ASIC2: variants seen among roughly 807,000 people sequenced by gnomAD.
ASIC2 encodes the protein acid-sensing ion channel 2.
ASIC2 carries 25 observed loss-of-function variants against 57.3 expected under a neutral mutation model. The observed-to-expected ratio is 0.44, with a 90% confidence interval of 0.32 to 0.61. The LOEUF is 0.61. ASIC2 is among the 20% of genes least tolerant of loss of function. ASIC2 has a pLI of 0.06. For missense variants in ASIC2, 641 were observed against 738.1 expected (o/e 0.87, Z 1.52); for synonymous variants, 319 against 307.5 (o/e 1.04, Z -0.39).
At chr17:33,064,532 C>A (rs924744619) in intron 3 of ASIC2, among the ~76,000 whole-genome samples, 1 of 152,192 alleles carries the variant, frequency 6.6e-6, no homozygotes, top group Non-Finnish European at 1.5e-5. Flanking sequence ...GCAAATGTTG[C>A]TGTCTGATCA....
At chr17:33,577,684 G>C (rs1916673611) in intron 1 of ASIC2, among the ~76,000 whole-genome samples, 1 of 152,108 alleles carries the variant, frequency 6.6e-6, no homozygotes, top group Non-Finnish European at 1.5e-5. Flanking sequence ...ATTTTTACCA[G>C]TCCCCTCATT....
chr17:33,203,974 G>A (rs558026639), intron 1 of ASIC2, among the ~76,000 whole-genome samples: 2 of 152,350 alleles, frequency 1.3e-5, no homozygotes, highest in African/African-American at 4.8e-5. Context: ...ATTTTGGGAG[G>A]TATTAAACAT....
intron 1 of ASIC2, among the ~76,000 whole-genome samples, chr17:33,471,629 A>G (rs1913053557): frequency 6.6e-6 from 1 of 152,134 alleles, no homozygotes; most frequent in Admixed American, 6.5e-5. Flanking sequence ...TACTGGAAAG[A>G]AGGAATCTTT....
At chr17:33,036,054 C>T (rs1295842658) in intron 3 of ASIC2, among the ~76,000 whole-genome samples, 1 of 152,184 alleles carries the variant, frequency 6.6e-6, no homozygotes, top group Non-Finnish European at 1.5e-5. Context: ...TTTGGTCTCT[C>T]TCCGGTGCTG....
At chr17:33,900,446 A>AG (rs1915208051) in intron 1 of ASIC2, among the ~76,000 whole-genome samples, 2 of 152,166 alleles carry the variant, frequency 1.3e-5, no homozygotes, top group Non-Finnish European at 2.9e-5. Flanking sequence ...CCCAACACTG[A>AG]GAATCTGTAC....
At chr17:33,710,623 T>C (rs955321469) in intron 1 of ASIC2, among the ~76,000 whole-genome samples, 1 of 152,234 alleles carries the variant, frequency 6.6e-6, no homozygotes, top group Non-Finnish European at 1.5e-5. Context: ...TTTCTGATTC[T>C]TTTAATAGGG....
intron 2 of ASIC2, among the ~76,000 whole-genome samples, chr17:33,091,837 G>A (rs553663946): frequency 2.6e-5 from 4 of 152,342 alleles, no homozygotes; most frequent in Admixed American, 2.0e-4. Context: ...AGATGGGAAC[G>A]TGCTATTCCC....
rs1567620883 is a variant in ASIC2, at chr17:33,464,477, TTTCTCTCTTTCTTTCTTTCTTTC to T, written c.556-352433_556-352411del. Among the ~76,000 whole-genome samples, 16 of 107,694 alleles carry T rather than the reference TTTCTCTCTTTCTTTCTTTCTTTC, an allele frequency of 1.5e-4. 1 individual carries two copies. The highest frequency in any genetic ancestry group is 1.1e-3 in the South Asian group (3 of 2,710). 70.7% of individuals were successfully genotyped at this position (107,694 alleles called of 152,430 possible). A position where few individuals can be genotyped will look rare whatever the true frequency, so the allele number is the denominator to read the frequency against. On this transcript the variant is annotated intron_variant, in intron 1 of 9. Coordinates refer to the ASIC2 transcript ENST00000359872. ...TTTTTCTCTTTCTTTCTTTCTTTCT[TTTCTCTCTTTCTTTCTTTCTTTC>T]TTTCTTTCTTTCTTTCTTTCTTTCT...
chr17:33,157,700 T>C (rs1905045779), intron 1 of ASIC2, among the ~76,000 whole-genome samples: 1 of 152,184 alleles, frequency 6.6e-6, no homozygotes, highest in African/African-American at 2.4e-5. Context: ...AGCACCTCCA[T>C]ATCTCACCTG....
At chr17:33,865,950 C>G (rs548300825) in intron 1 of ASIC2, among the ~76,000 whole-genome samples, 1 of 152,028 alleles carries the variant, frequency 6.6e-6, no homozygotes, top group South Asian at 2.1e-4. Flanking sequence ...TAACTATTCT[C>G]TTGATGTCAA....
intron 1 of ASIC2, among the ~76,000 whole-genome samples, chr17:33,597,504 T>C (rs1405129162): frequency 6.6e-6 from 1 of 152,164 alleles, no homozygotes; most frequent in Non-Finnish European, 1.5e-5. Flanking sequence ...GCCTCTCACT[T>C]CTATATATAT....
At chr17:33,283,450 A>C (rs997146370) in intron 1 of ASIC2, among the ~76,000 whole-genome samples, 2 of 152,176 alleles carry the variant, frequency 1.3e-5, no homozygotes, top group Non-Finnish European at 2.9e-5. Flanking sequence ...GACATGCTCA[A>C]GTTTGAGAAG....
At chr17:33,064,511 ATTGCTGAACAGCAAATG>A (rs1049403540) in intron 3 of ASIC2, among the ~76,000 whole-genome samples, 4 of 152,166 alleles carry the variant, frequency 2.6e-5, no homozygotes, top group African/African-American at 7.2e-5. Context: ...AACAGCGAAT[ATTGCTGAACAGCAAATG>A]TTGCTGTCTG....
At chr17:33,616,282 T>C (rs1245401473) in intron 1 of ASIC2, among the ~76,000 whole-genome samples, 1 of 152,024 alleles carries the variant, frequency 6.6e-6, no homozygotes, top group Non-Finnish European at 1.5e-5. Context: ...GGGATGCAGG[T>C]ACCAGCCATG....
intron 1 of ASIC2, among the ~76,000 whole-genome samples, chr17:34,025,547 C>A (rs1458669017): frequency 6.6e-6 from 1 of 152,214 alleles, no homozygotes; most frequent in Non-Finnish European, 1.5e-5. Flanking sequence ...TAGATTACCT[C>A]AAAGGTTTTC....
At chr17:33,829,976 A>T (rs1053970146) in intron 1 of ASIC2, among the ~76,000 whole-genome samples, 31 of 152,270 alleles carry the variant, frequency 2.0e-4, no homozygotes, top group Non-Finnish European at 2.9e-5. Flanking sequence ...AACCCAAAGC[A>T]GAAATATTTT....
chr17:33,730,555 C>A (rs1461062714), intron 1 of ASIC2, among the ~76,000 whole-genome samples: 1 of 152,192 alleles, frequency 6.6e-6, no homozygotes, highest in Non-Finnish European at 1.5e-5. Context: ...ATATTGACTA[C>A]TTGAATATAA....
chr17:33,928,187 A>G (rs1410064980), intron 1 of ASIC2, among the ~76,000 whole-genome samples: 1 of 152,222 alleles, frequency 6.6e-6, no homozygotes, highest in East Asian at 1.9e-4. Flanking sequence ...GCTCTGGTTC[A>G]TGGAAACCCA....
intron 2 of ASIC2, among the ~76,000 whole-genome samples, chr17:33,106,740 C>G (rs2092236242): frequency 6.6e-6 from 1 of 152,182 alleles, no homozygotes; most frequent in African/African-American, 2.4e-5. Flanking sequence ...GCCAATGATT[C>G]CCTTCCCTGT....
Sources: gnomAD v4.1 joint callset for allele counts (sites outside exome capture counted in the v4.1 genomes callset) on GRCh38, gnomAD v4.1.1 for gene constraint, MANE v1.5 for transcripts, NCBI Gene and HGNC (gene_info 2026-07-23, HGNC 2026-07-21) for gene names.